Variants in OR6N2 observed in about 807,000 individuals in gnomAD.
OR6N2 encodes olfactory receptor 6N2.
For synonymous variants in OR6N2, 160 were observed against 138.3 expected (o/e 1.16, Z -1.10); for missense variants, 399 against 379.7 (o/e 1.05, Z -0.42).
At chr1:158,780,921 CTTGG>C (rs1288247410) in intron 1 of OR6N2, among the ~76,000 whole-genome samples, 6 of 152,192 alleles carry the variant, frequency 3.9e-5, no homozygotes, top group Non-Finnish European at 7.3e-5. Context: ...TTGCTAATCT[CTTGG>C]TTGTAGAATG....
rs1485333558 is a variant in OR6N2 at position 158,777,043 on chromosome 1, A to C, written c.593T>G (p.Val198Gly). The C allele has an allele frequency of 6.2e-7, 1 of 1,614,166 alleles. No homozygotes were observed. The change falls in exon 2 of 2, where the codon GTG becomes GGG. Residue 198 changes from valine to glycine, a missense_variant. Transcript: ENST00000641131. The stretch of plus-strand genomic sequence containing the variant: ...TATGAAAGCATTAATGGCAAAGTCC[A>C]CCAGAATGTTAGCAGATGTGTCCTT... ...ACKDTSANIL[V>G]DFAINAFIIL... is the part of the protein sequence containing the mutation.
At chr1:158,779,314 C>T (rs1415766400) in intron 1 of OR6N2, among the ~76,000 whole-genome samples, 9 of 123,664 alleles carry the variant, frequency 7.3e-5, no homozygotes, top group Admixed American at 1.6e-4. Flanking sequence ...TGAAGAGAAC[C>T]GCCCAATTCT....
At chr1:158,779,777 T>C (rs1657704076) in intron 1 of OR6N2, among the ~76,000 whole-genome samples, 1 of 152,204 alleles carries the variant, frequency 6.6e-6, no homozygotes, top group Non-Finnish European at 1.5e-5. Flanking sequence ...TGAGATCAAA[T>C]CTTAACTCCT....
At chr1:158,778,947 A>T (rs1447082320) in intron 1 of OR6N2, among the ~76,000 whole-genome samples, 1 of 143,402 alleles carries the variant, frequency 7.0e-6, no homozygotes, top group Non-Finnish European at 1.5e-5. Flanking sequence ...TGAACCCGGG[A>T]GGTGGAGCTT....
chr1:158,778,294 C>T (rs1657661257), intron 1 of OR6N2, among the ~76,000 whole-genome samples: 1 of 152,176 alleles, frequency 6.6e-6, no homozygotes, highest in East Asian at 1.9e-4. Flanking sequence ...AAGTACAGAA[C>T]ACTTCAGTGT....
Position 158,777,244 on chromosome 1 carries a change from T to C in OR6N2, c.392A>G (p.His131Arg), listed in dbSNP as rs1321451117. ...TGTGGTGGTCATAATTATAGGGTAG[T>C]GGAGGGGCCGACAAATGGCCAGGTA... ...DRYLAICRPL[H>R]YPIIMTTTLC... The change falls in exon 2 of 2, where the codon CAC becomes CGC. Residue 131 changes from histidine to arginine, a missense_variant. Physicochemically the swap from His to Arg is conservative, Grantham distance 29. Coordinates refer to ENST00000641131, the MANE Select transcript of OR6N2 (RefSeq NM_001005278.2). The C allele has an allele frequency of 6.2e-7, 1 of 1,613,958 alleles. No homozygotes were observed.
At position 158,777,462 on chromosome 1, in the gene OR6N2, A is replaced by G. The variant is rs1571611774; in HGVS notation, c.174T>C (p.Pro58=). The change falls in exon 2 of 2, where the codon CCT becomes CCC. Residue 58 remains proline, a synonymous_variant. Coordinates refer to ENST00000641131, the MANE Select transcript of OR6N2 (RefSeq NM_001005278.2). ...VIRLDAALHT[P]MYHFVSVLSF... is the part of the protein sequence containing the mutation. ...AAAGAACACTGACAAAGTGGTACAT[A>G]GGTGTGTGCAGAGCTGCATCCAGTC... The G allele has an allele frequency of 1.2e-6, 2 of 1,614,234 alleles. No individual in the cohort carries two copies. The highest frequency in any genetic ancestry group is 2.7e-5 in the African/African-American group (2 of 75,078).
At chr1:158,778,563 GA>G (rs1051462686) in intron 1 of OR6N2, among the ~76,000 whole-genome samples, 2 of 152,172 alleles carry the variant, frequency 1.3e-5, no homozygotes, top group Non-Finnish European at 2.9e-5. Flanking sequence ...CATCACTGAA[GA>G]ATGTTTGCTA....
rs115461210 is a variant in OR6N2 at position 158,777,546 on chromosome 1, C to T, written c.90G>A (p.Leu30=). 3.8e-3 allele frequency: 6,100 copies of T among 1,614,072 alleles called. 202 individuals are homozygous for T. The African/African-American group carries it at 0.07, about 19-fold the overall frequency. ...VGYVRGWLFV[L]LLLAYLFTIC... is the part of the protein sequence containing the mutation. ...TGGTGAACAGGTATGCCAATAGCAG[C>T]AGGACAAAAAGCCAGCCCCTGACAT... is the stretch of plus-strand genomic sequence containing the variant. The change falls in exon 2 of 2, where the codon CTG becomes CTA. Residue 30 remains leucine (L), a synonymous_variant. Coordinates refer to ENST00000641131, the MANE Select transcript of OR6N2 (RefSeq NM_001005278.2).
In OR6N2 at chr1:158,776,090, A is replaced by G. The variant is rs2820114; in HGVS notation, c.*592T>C. The G allele has an allele frequency of 0.65, 98,142 of 151,990 alleles. 32,311 individuals carry two copies. The highest frequency in any genetic ancestry group is 0.78 in the African/African-American group (32,493 of 41,462). 9.4% of individuals were successfully genotyped at this position (151,990 alleles called of 1,614,324 possible). ...GAGATAGCACGGCAGGACAACGAAG[A>G]CTGGGAAAGACTCACAAGAAAGATA... On this transcript the variant is annotated 3_prime_UTR_variant, in exon 2 of 2. Transcript: ENST00000641131.
At chr1:158,778,087 A>G (rs1043198070) in intron 1 of OR6N2, among the ~76,000 whole-genome samples, 1 of 152,232 alleles carries the variant, frequency 6.6e-6, no homozygotes, top group South Asian at 2.1e-4. Flanking sequence ...TTCCTTCAGT[A>G]AAGACTTAAA....
In OR6N2 at chr1:158,777,361, A is replaced by C. The variant is rs188248742; in HGVS notation, c.275T>G (p.Ile92Ser). The C allele has an allele frequency of 5.1e-5, 82 of 1,614,200 alleles. No individual in the cohort carries two copies. In the East Asian group the frequency reaches 1.1e-3, roughly 22 times the overall value. ...CTGAAGGAGGCATCCTGCAAAAGAA[A>C]TGGTTTTCTTCTCACTGAGAATATT... ...LSNILSEKKTISFAGCLLQTY... is the reference protein window; with the variant it reads ...LSNILSEKKTSSFAGCLLQTY... Residue 92 changes from isoleucine (I) to serine (S), a missense_variant, in exon 2 of 2, where the codon ATT (isoleucine) becomes AGT (serine). Transcript: ENST00000641131.
At position 158,776,649 on chromosome 1, in the gene OR6N2, A is replaced by G. The variant is rs754105344; in HGVS notation, c.*33T>C. ...TTACTCAAGGAACTTTTATGAATTG[A>G]ACATTGAGGTGAGAAAGGACATGGG... On this transcript the variant is annotated 3_prime_UTR_variant, in exon 2 of 2. Coordinates refer to ENST00000641131, the MANE Select transcript of OR6N2 (RefSeq NM_001005278.2). 4.6e-6 allele frequency: 6 copies of G among 1,291,222 alleles called. No individual in the cohort carries two copies. Among genetic ancestry groups the G allele is most frequent in the Non-Finnish European group, 5.4e-6 (5 of 918,232 alleles). 80.0% of individuals were successfully genotyped at this position (1,291,222 alleles called of 1,614,324 possible).
In OR6N2 at chr1:158,777,351, T is replaced by A. The variant is rs150485140; in HGVS notation, c.285A>T (p.Ala95=). The A allele has an allele frequency of 2.4e-4, 394 of 1,614,238 alleles. 2 individuals are homozygous for A. The African/African-American group carries it at 4.9e-3, about 20-fold the overall frequency. ...AGAAGTAGGTCTGAAGGAGGCATCC[T>A]GCAAAAGAAATGGTTTTCTTCTCAC... The part of the protein sequence containing the change: ...ILSEKKTISF[A]GCLLQTYFFH... The change falls in exon 2 of 2, where the codon GCA becomes GCT. Residue 95 remains alanine (A), a synonymous_variant. Coordinates refer to ENST00000641131, the MANE Select transcript of OR6N2 (RefSeq NM_001005278.2).
chr1:158,775,749 T>C lies in OR6N2; in HGVS notation c.*933A>G, dbSNP rs1014577080. 8.8e-5 allele frequency: 12 copies of C among 136,006 alleles called. No homozygotes were observed. Among genetic ancestry groups the C allele is most frequent in the African/African-American group, 3.3e-4 (12 of 36,290 alleles). 8.4% of individuals were successfully genotyped at this position (136,006 alleles called of 1,614,324 possible). A position where few individuals can be genotyped will look rare whatever the true frequency, so the allele number is the denominator to read the frequency against. ...TTTAAGAATATATTTTGTGAAAAGA[T>C]TGTTGGCATACATTAATAATTGATT... On this transcript the variant is annotated 3_prime_UTR_variant, in exon 2 of 2. Coordinates refer to ENST00000641131, the MANE Select transcript of OR6N2 (RefSeq NM_001005278.2).
rs1657575644 is a variant in OR6N2 at position 158,775,742 on chromosome 1, GAA to G, written c.*938_*939del. Reference sequence around the variant, plus strand: ...AAATTGATTTAAGAATATATTTTGTGAAAAGATTGTTGGCATACATTAATAAT... The same window carrying G: ...AAATTGATTTAAGAATATATTTTGTGAAGATTGTTGGCATACATTAATAAT... On this transcript the variant is annotated 3_prime_UTR_variant, in exon 2 of 2. Coordinates refer to ENST00000641131, the MANE Select transcript of OR6N2 (RefSeq NM_001005278.2). 6.6e-6 allele frequency: 1 copy of G among 150,780 alleles called. No individual in the cohort carries two copies. The highest frequency in any genetic ancestry group is 1.5e-5 in the Non-Finnish European group (1 of 67,872). 9.3% of individuals were successfully genotyped at this position (150,780 alleles called of 1,614,324 possible).
rs1475628648 is a variant in OR6N2 at position 158,775,071 on chromosome 1, C to A, written c.*1611G>T. On this transcript the variant is annotated 3_prime_UTR_variant, in exon 2 of 2. Coordinates refer to ENST00000641131, the MANE Select transcript of OR6N2 (RefSeq NM_001005278.2). ...ATAAAAAATCTGAAATAATTTGAGA[C>A]CAAATCTAGTTTATAGATACTTGTA... 1 of 152,104 alleles carries A rather than the reference C, an allele frequency of 6.6e-6. No individual in the cohort carries two copies. Among genetic ancestry groups the A allele is most frequent in the Admixed American group, 6.5e-5 (1 of 15,274 alleles). 9.4% of individuals were successfully genotyped at this position (152,104 alleles called of 1,614,324 possible).
Position 158,776,688 on chromosome 1 carries a change from A to G in OR6N2, c.948T>C (p.His316=), listed in dbSNP as rs370211620. The change falls in exon 2 of 2, where the codon CAT becomes CAC. Residue 316 remains histidine (H), a synonymous_variant. Transcript: ENST00000641131. ...FQKGDKASLA[H]L The stretch of plus-strand genomic sequence containing the variant: ...AAAGGACATGGGAAGAAAGTCAAAG[A>G]TGAGCAAGACTAGCTTTATCTCCCT... 2.8e-5 allele frequency: 45 copies of G among 1,585,102 alleles called. No individual in the cohort carries two copies. The African/African-American group carries it at 5.1e-4, about 18-fold the overall frequency.
chr1:158,779,997 T>G (rs1657709257), intron 1 of OR6N2, among the ~76,000 whole-genome samples: 1 of 152,206 alleles, frequency 6.6e-6, no homozygotes, highest in Non-Finnish European at 1.5e-5. Context: ...AATTGTGAAA[T>G]CAATTAATGT....
Sources: gnomAD v4.1 joint callset for allele counts (sites outside exome capture counted in the v4.1 genomes callset) on GRCh38, gnomAD v4.1.1 for gene constraint, MANE v1.5 for transcripts, NCBI Gene and HGNC (gene_info 2026-07-23, HGNC 2026-07-21) for gene names.